Variants in CNTN6 observed in about 807,000 individuals in gnomAD.
CNTN6 encodes contactin-6.
A neutral mutation model predicts 122.8 loss-of-function variants in CNTN6; 137 were observed. The observed-to-expected ratio is 1.12, with a 90% CI of 0.97 to 1.29. The LOEUF (loss-of-function observed/expected upper bound fraction) is 1.29. Ranked by LOEUF, CNTN6 falls within the 50% of genes most tolerant of loss-of-function variation. The pLI is 0.00. For synonymous variants in CNTN6, 570 were observed against 426.0 expected, an observed-to-expected ratio of 1.34 and a Z score of -4.16; for missense variants, 1,634 against 1,223.4, an observed-to-expected ratio of 1.34 and a Z score of -5.01.
At chr3:1,299,405 T>C (rs1479249040) in intron 7 of CNTN6, among the ~76,000 whole-genome samples, 1 of 152,142 alleles carries the variant, frequency 6.6e-6, no homozygotes, top group Admixed American at 6.5e-5. Context: ...TTTAATCATA[T>C]TTGGCATCAG....
chr3:1,280,993 CT>C (rs1345880766), intron 5 of CNTN6, among the ~76,000 whole-genome samples: 1 of 152,126 alleles, frequency 6.6e-6, no homozygotes, highest in African/African-American at 2.4e-5. Context: ...TTTCAAATTT[CT>C]TTAGTCAGGA....
chr3:1,242,681 G>A (rs1008156832), intron 4 of CNTN6, among the ~76,000 whole-genome samples: 39 of 152,262 alleles, frequency 2.6e-4, no homozygotes, highest in Middle Eastern at 3.4e-3. Flanking sequence ...AGGAAGACGC[G>A]AAGGAGGCTT....
chr3:1,289,697 CAG>C (rs1381009043), intron 5 of CNTN6, among the ~76,000 whole-genome samples: 7 of 131,350 alleles, frequency 5.3e-5, no homozygotes, highest in Admixed American at 8.2e-5. Flanking sequence ...TTTTTTGAGA[CAG>C]AGTCTCGCTC....
At chr3:1,385,243 A>G (rs1456225730) in intron 19 of CNTN6, among the ~76,000 whole-genome samples, 4 of 152,198 alleles carry the variant, frequency 2.6e-5, no homozygotes, top group South Asian at 2.1e-4. Flanking sequence ...AGAAATGCCA[A>G]TAGCAAGACA....
chr3:1,308,294 T>TGTGTGC (rs1698684358), intron 7 of CNTN6, among the ~76,000 whole-genome samples: 1 of 141,066 alleles, frequency 7.1e-6, no homozygotes, highest in African/African-American at 3.1e-5. Flanking sequence ...GTTTTGTGTG[T>TGTGTGC]GTGTGTGTGT....
At chr3:1,224,760 G>A (rs1361035715) in intron 3 of CNTN6, among the ~76,000 whole-genome samples, 1 of 151,736 alleles carries the variant, frequency 6.6e-6, no homozygotes, top group African/African-American at 2.4e-5. Context: ...TTTTGTTTTT[G>A]TTTTTGAGAC....
At chr3:1,306,234 ACT>A (rs1457844054) in intron 7 of CNTN6, among the ~76,000 whole-genome samples, 6 of 152,144 alleles carry the variant, frequency 3.9e-5, no homozygotes, top group Non-Finnish European at 8.8e-5. Context: ...AGAAATGTAT[ACT>A]GAAACCTAAT....
chr3:1,181,032 C>T (rs1272197572), intron 2 of CNTN6, among the ~76,000 whole-genome samples: 1 of 152,080 alleles, frequency 6.6e-6, no homozygotes, highest in Non-Finnish European at 1.5e-5. Context: ...ACTGCTTACA[C>T]TGTTGTAGTC....
chr3:1,343,043 A>T (rs1704132078), intron 11 of CNTN6, among the ~76,000 whole-genome samples: 1 of 151,976 alleles, frequency 6.6e-6, no homozygotes, highest in East Asian at 1.9e-4. Context: ...TCCTCAGCCT[A>T]CTCAGTGTCA....
chr3:1,334,910 A>T (rs1159064827), intron 11 of CNTN6, among the ~76,000 whole-genome samples: 4 of 152,160 alleles, frequency 2.6e-5, no homozygotes, highest in African/African-American at 4.8e-5. Flanking sequence ...TGGTATGATT[A>T]TTCATTTATT....
intron 1 of CNTN6, among the ~76,000 whole-genome samples, chr3:1,093,635 G>C (rs552601516): frequency 3.9e-4 from 60 of 152,128 alleles, no homozygotes; most frequent in Admixed American, 1.1e-3. Flanking sequence ...GGTAAGGGGA[G>C]CAAAGCAAGA....
At chr3:1,237,612 G>A (rs1329380263) in intron 4 of CNTN6, among the ~76,000 whole-genome samples, 3 of 152,140 alleles carry the variant, frequency 2.0e-5, no homozygotes, top group South Asian at 4.1e-4. Flanking sequence ...GTTATCTAAA[G>A]TTGAGACAAA....
At chr3:1,214,973 G>A (rs1559528114) in intron 2 of CNTN6, among the ~76,000 whole-genome samples, 2 of 152,002 alleles carry the variant, frequency 1.3e-5, no homozygotes, top group Non-Finnish European at 2.9e-5. Flanking sequence ...ACCCAGGCTC[G>A]GTCTCAAACT....
At chr3:1,234,259 G>A (rs2094394185) in intron 4 of CNTN6, among the ~76,000 whole-genome samples, 2 of 151,964 alleles carry the variant, frequency 1.3e-5, no homozygotes, top group African/African-American at 4.8e-5. Flanking sequence ...TGAATTTAAT[G>A]CCATATTCAA....
Position 1,370,267 on chromosome 3 carries a change from G to A in CNTN6, c.1493-2032G>A, listed in dbSNP as rs189394053. ...ATTATTAGTATACTTTAAGTTTTAG[G>A]GTACATGTGCACAACGTGGGAATTG... is the stretch of plus-strand genomic sequence containing the variant. On this transcript the variant is annotated intron_variant, in intron 12 of 22. Transcript: ENST00000446702. Among the ~76,000 whole-genome samples, 393 of 150,890 alleles carry A rather than the reference G, an allele frequency of 2.6e-3. 2 individuals are homozygous for A. The highest frequency in any genetic ancestry group is 8.5e-3 in the African/African-American group (349 of 41,074).
chr3:1,402,778 A>T, intron 22 of CNTN6: 1 of 262,156 alleles, frequency 3.8e-6, no homozygotes, highest in Non-Finnish European at 7.2e-6. Context: ...AAAAATCAGA[A>T]AGATTTTTCA....
intron 2 of CNTN6, among the ~76,000 whole-genome samples, chr3:1,171,962 G>A (rs1053798587): frequency 2.0e-5 from 3 of 152,036 alleles, no homozygotes; most frequent in East Asian, 1.9e-4. Context: ...ATGTTGCATC[G>A]TGCCTTCTCA....
intron 5 of CNTN6, among the ~76,000 whole-genome samples, chr3:1,288,478 C>G (rs1034455265): frequency 6.6e-6 from 1 of 152,198 alleles, no homozygotes; most frequent in Non-Finnish European, 1.5e-5. Context: ...AAGAGTCAGT[C>G]ACATTTAACC....
intron 13 of CNTN6, 128 bp downstream of exon 13, chr3:1,372,602 T>C: frequency 1.2e-6 from 1 of 857,428 alleles, no homozygotes. Context: ...TGAAGCTACA[T>C]TTGTTTTTGT....
Sources: gnomAD v4.1 joint callset for allele counts (sites outside exome capture counted in the v4.1 genomes callset) on GRCh38, gnomAD v4.1.1 for gene constraint, MANE v1.5 for transcripts, NCBI Gene and HGNC (gene_info 2026-07-23, HGNC 2026-07-21) for gene names.